ANTXR2: variants seen among roughly 807,000 people sequenced by gnomAD.
ANTXR2 encodes the protein anthrax toxin receptor 2.
In ANTXR2, 44 loss-of-function variants were observed where a neutral mutation model predicts 73.7. That is an observed-to-expected ratio of 0.60 (90% CI 0.47 to 0.77). ANTXR2 has a LOEUF of 0.77. Among genes scored for constraint, ANTXR2 ranks in the 30% least tolerant of loss-of-function variants. ANTXR2 has a pLI of 0.00. For missense variants in ANTXR2, 604 were observed against 592.5 expected (o/e 1.02, Z -0.20); for synonymous variants, 217 against 205.9 (o/e 1.05, Z -0.46).
intron 10 of ANTXR2, among the ~76,000 whole-genome samples, chr4:80,029,597 G>C (rs1398359245): frequency 6.6e-6 from 1 of 151,922 alleles, no homozygotes; most frequent in Non-Finnish European, 1.5e-5. Flanking sequence ...CTAGCAGGAA[G>C]TAGAAACATA....
chr4:80,019,599 T>C (rs891105040), intron 10 of ANTXR2, among the ~76,000 whole-genome samples: 1 of 152,186 alleles, frequency 6.6e-6, no homozygotes, highest in Non-Finnish European at 1.5e-5. Context: ...TTAGATCCCA[T>C]TTAGCCTATT....
At chr4:80,045,061 A>T (rs1733456854) in intron 7 of ANTXR2, among the ~76,000 whole-genome samples, 1 of 151,830 alleles carries the variant, frequency 6.6e-6, no homozygotes, top group African/African-American at 2.4e-5. Flanking sequence ...AGTGAAAAAA[A>T]TTATTTGGAT....
rs887478523 is a variant in ANTXR2 at position 79,902,333 on chromosome 4, T to G, written c.*5096A>C. The G allele has an allele frequency of 5.3e-5, 8 of 152,020 alleles. No homozygotes were observed. The highest frequency in any genetic ancestry group is 1.2e-4 in the African/African-American group (5 of 41,452). The allele number at this position is 152,020 out of a possible 1,614,324, so 9.4% of individuals were successfully genotyped here. A position where few individuals can be genotyped will look rare whatever the true frequency, so the allele number is the denominator to read the frequency against. On this transcript the variant is annotated 3_prime_UTR_variant, in exon 17 of 17. Coordinates refer to ENST00000403729, the MANE Select transcript of ANTXR2 (RefSeq NM_058172.6). The stretch of plus-strand genomic sequence containing the variant: ...CTATGGATTTTAAGCTGTGTTCAAA[T>G]TACTTACTTAGTAAAGTATTTTCCA...
intron 10 of ANTXR2, among the ~76,000 whole-genome samples, chr4:80,019,350 A>G (rs1732046038): frequency 6.6e-6 from 1 of 152,196 alleles, no homozygotes; most frequent in African/African-American, 2.4e-5. Flanking sequence ...CCGGGCCGAC[A>G]ACAGCGAGAC....
intron 16 of ANTXR2, among the ~76,000 whole-genome samples, chr4:79,949,001 A>T (rs1050237144): frequency 6.6e-6 from 1 of 152,184 alleles, no homozygotes; most frequent in Non-Finnish European, 1.5e-5. Context: ...TTAACAGGAT[A>T]AAGAGACTCT....
intron 12 of ANTXR2, among the ~76,000 whole-genome samples, chr4:80,003,816 T>G (rs1731171899): frequency 6.6e-6 from 1 of 152,112 alleles, no homozygotes; most frequent in Non-Finnish European, 1.5e-5. Flanking sequence ...TTAGTGGGCA[T>G]GTGAGATGGT....
In ANTXR2 at chr4:80,004,600, GC is replaced by G. The variant is rs1731216903; in HGVS notation, c.1041+3920del. ...CAATTTCTGCATCTATGGTTACACT[GC>G]CTTCTTTCCATCTATAGTCTAATCT... On this transcript the variant is annotated intron_variant, in intron 12 of 16. Coordinates refer to ENST00000403729, the MANE Select transcript of ANTXR2 (RefSeq NM_058172.6). Among the ~76,000 whole-genome samples, 4 of 152,094 alleles carry G rather than the reference GC, an allele frequency of 2.6e-5. 1 individual carries two copies. The South Asian group carries it at 8.3e-4, about 32-fold the overall frequency.
At chr4:79,908,831 A>T (rs1467281199) in intron 16 of ANTXR2, among the ~76,000 whole-genome samples, 1 of 152,120 alleles carries the variant, frequency 6.6e-6, no homozygotes, top group African/African-American at 2.4e-5. Context: ...TTCAAACAAG[A>T]TTTTCAGAGT....
intron 16 of ANTXR2, among the ~76,000 whole-genome samples, chr4:79,910,801 A>G (rs1727103714): frequency 6.6e-6 from 1 of 152,148 alleles, no homozygotes. Flanking sequence ...TGGAAAGGAG[A>G]GAAGAAAATA....
chr4:80,022,454 C>A (rs1276950653), intron 10 of ANTXR2, among the ~76,000 whole-genome samples: 2 of 152,128 alleles, frequency 1.3e-5, no homozygotes, highest in Non-Finnish European at 2.9e-5. Context: ...AGAGCCTTTG[C>A]CCAAAGCTAT....
At chr4:80,067,685 T>A (rs1014821849) in intron 3 of ANTXR2, among the ~76,000 whole-genome samples, 2 of 99,762 alleles carry the variant, frequency 2.0e-5, no homozygotes, top group Non-Finnish European at 3.8e-5. Flanking sequence ...TGGCTCCTGA[T>A]GAGATTCATT....
intron 16 of ANTXR2, among the ~76,000 whole-genome samples, chr4:79,957,086 C>A (rs1186553162): frequency 1.3e-5 from 2 of 151,960 alleles, no homozygotes; most frequent in East Asian, 3.9e-4. Context: ...CCTTTTGGAG[C>A]CCATAATGAA....
chr4:79,925,776 T>C (rs1378837633), intron 16 of ANTXR2, among the ~76,000 whole-genome samples: 1 of 152,140 alleles, frequency 6.6e-6, no homozygotes, highest in African/African-American at 2.4e-5. Flanking sequence ...AGTGTAACAA[T>C]GTTCATCTAT....
At chr4:79,907,586 T>G (rs6819294) in intron 16 of ANTXR2, 119 bp from the exon 17 acceptor site, 372 of 1,103,668 alleles carry the variant, frequency 3.4e-4, no homozygotes, top group Non-Finnish European at 4.5e-4. Context: ...CCATGTTAAC[T>G]TGAGACATGA....
chr4:80,035,993 G>T lies in ANTXR2; in HGVS notation c.676C>A (p.Pro226Thr). 1 of 1,536,958 alleles carries T rather than the reference G, an allele frequency of 6.5e-7. No individual in the cohort carries two copies. Among genetic ancestry groups the T allele is most frequent in the Middle Eastern group, 1.7e-4 (1 of 5,922 alleles). Residue 226 changes from proline (P) to threonine (T), a missense_variant, in exon 8 of 17, where the codon CCC becomes ACC. Pro to Thr is a conservative substitution (Grantham distance 38, BLOSUM62 -1). Transcript: ENST00000403729. ...QSCTEILELQ[P>T]SSVCVGEEFQ... ...TTACCCCCCACACAGACACTTGAGG[G>T]CTGCAATTCTAGGATTTCAGTACAT...
chr4:79,985,242 TG>T (rs1214003406), intron 12 of ANTXR2, among the ~76,000 whole-genome samples: 1 of 151,458 alleles, frequency 6.6e-6, no homozygotes, highest in Non-Finnish European at 1.5e-5. Context: ...CCCAGCTACT[TG>T]CGAGGCTGAG....
At chr4:80,047,873 C>T (rs1346682381) in intron 7 of ANTXR2, among the ~76,000 whole-genome samples, 1 of 151,620 alleles carries the variant, frequency 6.6e-6, no homozygotes, top group South Asian at 2.1e-4. Context: ...TAGTTACAGG[C>T]CAGTAACATT....
chr4:80,002,874 C>A (rs1186218777), intron 12 of ANTXR2, among the ~76,000 whole-genome samples: 1 of 149,082 alleles, frequency 6.7e-6, no homozygotes, highest in Admixed American at 6.8e-5. Flanking sequence ...CCATCTCACA[C>A]CAGTTAGAAT....
chr4:79,929,384 A>G (rs754759627), intron 16 of ANTXR2, among the ~76,000 whole-genome samples: 2 of 152,010 alleles, frequency 1.3e-5, no homozygotes, highest in East Asian at 1.9e-4. Flanking sequence ...GTGGTGGCAG[A>G]TGCCTGTAAT....
Sources: allele counts gnomAD v4.1 joint callset (sites outside exome capture counted in the v4.1 genomes callset), GRCh38; gene constraint gnomAD v4.1.1; transcripts MANE v1.5; gene names NCBI Gene and HGNC (gene_info 2026-07-23, HGNC 2026-07-21).